Variants in NTM observed in about 807,000 individuals in gnomAD.
NTM encodes neurotrimin.
NTM carries 13 observed loss-of-function variants against 42.1 expected under a neutral mutation model. That is an observed-to-expected ratio of 0.31 (90% CI 0.20 to 0.49). The LOEUF is 0.49. Among genes scored for constraint, NTM ranks in the 20% least tolerant of loss-of-function variants. NTM has a pLI of 0.99. For synonymous variants in NTM, 187 were observed against 179.2 expected (o/e 1.04, Z -0.35); for missense variants, 373 against 452.8 (o/e 0.82, Z 1.60).
chr11:131,454,856 T>C (rs1950753046), intron 1 of NTM, among the ~76,000 whole-genome samples: 1 of 152,052 alleles, frequency 6.6e-6, no homozygotes, highest in Non-Finnish European at 1.5e-5. Context: ...AAGCCTGTAT[T>C]TGGCATAGTG....
intron 1 of NTM, among the ~76,000 whole-genome samples, chr11:131,385,668 T>C (rs766890186): frequency 2.0e-5 from 3 of 152,064 alleles, no homozygotes; most frequent in East Asian, 3.9e-4. Flanking sequence ...GCCTGGGCAA[T>C]ACAGAAAAAT....
intron 1 of NTM, among the ~76,000 whole-genome samples, chr11:131,718,138 C>T (rs1172678609): frequency 6.6e-6 from 1 of 152,032 alleles, no homozygotes; most frequent in Non-Finnish European, 1.5e-5. Context: ...TTTTGCATAT[C>T]TATTTATGGA....
intron 4 of NTM, among the ~76,000 whole-genome samples, chr11:132,224,048 G>A (rs754971002): frequency 7.2e-5 from 11 of 152,210 alleles, no homozygotes; most frequent in East Asian, 1.9e-4. Flanking sequence ...AAGAGAGGGC[G>A]GAGCAACATT....
At chr11:132,268,352 A>G (rs897890563) in intron 4 of NTM, among the ~76,000 whole-genome samples, 1 of 152,172 alleles carries the variant, frequency 6.6e-6, no homozygotes, top group Non-Finnish European at 1.5e-5. Context: ...CTCTATCACA[A>G]CCATGCAAAG....
intron 1 of NTM, among the ~76,000 whole-genome samples, chr11:131,640,673 C>T (rs545594206): frequency 6.6e-6 from 1 of 152,290 alleles, no homozygotes. Flanking sequence ...CCAGTCACCT[C>T]ACCCTTCTTA....
At chr11:131,726,332 A>C (rs1310278284) in intron 1 of NTM, among the ~76,000 whole-genome samples, 1 of 151,512 alleles carries the variant, frequency 6.6e-6, no homozygotes, top group Non-Finnish European at 1.5e-5. Flanking sequence ...TGGTGGTTGC[A>C]CAAGTCAGTG....
intron 1 of NTM, among the ~76,000 whole-genome samples, chr11:131,626,069 T>C (rs139861359): frequency 1.6e-3 from 238 of 152,224 alleles, no homozygotes; most frequent in African/African-American, 5.4e-3. Context: ...CTTATTTTTA[T>C]AAGGGATGAG....
chr11:132,090,944 T>C (rs955950738), intron 2 of NTM, among the ~76,000 whole-genome samples: 1 of 152,222 alleles, frequency 6.6e-6, no homozygotes, highest in East Asian at 1.9e-4. Context: ...GTGACAGTCC[T>C]CTGTCCCTGT....
At chr11:132,097,373 G>A (rs1566150237) in intron 2 of NTM, among the ~76,000 whole-genome samples, 3 of 152,146 alleles carry the variant, frequency 2.0e-5, no homozygotes, top group South Asian at 2.1e-4. Flanking sequence ...GTGCCACGTC[G>A]GCCAGGATGC....
intron 2 of NTM, among the ~76,000 whole-genome samples, chr11:132,140,858 GGCA>G (rs1407977334): frequency 1.3e-5 from 2 of 152,186 alleles, no homozygotes; most frequent in African/African-American, 4.8e-5. Context: ...AATGCTCAGA[GGCA>G]CCAAACTTAG....
At chr11:131,920,629 G>A (rs1390124195) in intron 2 of NTM, among the ~76,000 whole-genome samples, 2 of 152,158 alleles carry the variant, frequency 1.3e-5, no homozygotes, top group African/African-American at 4.8e-5. Flanking sequence ...TTATTTGGGT[G>A]TATTTGGGCA....
intron 8 of NTM, 133 bp downstream of exon 8, chr11:132,330,318 C>A (rs2095778343): frequency 1.1e-6 from 1 of 917,638 alleles, no homozygotes; most frequent in Non-Finnish European, 1.6e-6. Flanking sequence ...CCCCAACCTT[C>A]AACCATCTCC....
intron 1 of NTM, among the ~76,000 whole-genome samples, chr11:131,478,915 T>C (rs1953247595): frequency 6.6e-6 from 1 of 152,220 alleles, no homozygotes; most frequent in African/African-American, 2.4e-5. Flanking sequence ...GCCCTATGCC[T>C]GTGTTGGGTG....
At chr11:132,177,911 C>T (rs1476689824) in intron 3 of NTM, among the ~76,000 whole-genome samples, 1 of 152,192 alleles carries the variant, frequency 6.6e-6, no homozygotes, top group East Asian at 1.9e-4. Context: ...CAGTCTTAAT[C>T]CAGAGTACTG....
intron 1 of NTM, among the ~76,000 whole-genome samples, chr11:131,899,569 G>A (rs2052812727): frequency 6.6e-6 from 1 of 152,164 alleles, no homozygotes; most frequent in South Asian, 2.1e-4. Flanking sequence ...CGAGTTACCT[G>A]CTTTGGACAG....
intron 1 of NTM, among the ~76,000 whole-genome samples, chr11:131,405,184 GAAAGTGTCCC>G (rs904519770): frequency 1.3e-5 from 2 of 152,164 alleles, no homozygotes; most frequent in Non-Finnish European, 2.9e-5. Context: ...ATGACCAATT[GAAAGTGTCCC>G]TCACTCTTTC....
intron 4 of NTM, among the ~76,000 whole-genome samples, chr11:132,287,836 T>C (rs2094306667): frequency 1.3e-5 from 2 of 152,204 alleles, no homozygotes; most frequent in Non-Finnish European, 2.9e-5. Context: ...CATGTCCAAA[T>C]GCAGGATATG....
intron 1 of NTM, among the ~76,000 whole-genome samples, chr11:131,741,432 G>A (rs965206948): frequency 3.9e-5 from 6 of 152,188 alleles, no homozygotes; most frequent in African/African-American, 1.4e-4. Context: ...GCATAGACAT[G>A]CGCTCTGTTT....
At chr11:131,551,438 C>T (rs1295102201) in intron 1 of NTM, among the ~76,000 whole-genome samples, 1 of 150,804 alleles carries the variant, frequency 6.6e-6, no homozygotes, top group Non-Finnish European at 1.5e-5. Flanking sequence ...AAAAAAAACG[C>T]ACGATTGCAA....
Sources: allele counts gnomAD v4.1 joint callset (sites outside exome capture counted in the v4.1 genomes callset), GRCh38; gene constraint gnomAD v4.1.1; transcripts MANE v1.5; gene names NCBI Gene and HGNC (gene_info 2026-07-23, HGNC 2026-07-21).